Variants in BAHCC1 observed in about 807,000 individuals in gnomAD.
The protein encoded by BAHCC1 is BAH and coiled-coil domain-containing protein 1.
A neutral mutation model predicts 88.2 loss-of-function variants in BAHCC1; 43 were observed. That is an observed-to-expected ratio of 0.49 (90% CI 0.38 to 0.63). The LOEUF (loss-of-function observed/expected upper bound fraction) is 0.63, where lower values mean the gene tolerates loss of function less well. BAHCC1 is among the 20% of genes least tolerant of loss of function. BAHCC1 has a pLI of 0.00. For missense variants in BAHCC1, 3,023 were observed against 1,654.8 expected (o/e 1.83, Z -14.34); for synonymous variants, 1,510 against 745.5 (o/e 2.03, Z -16.71).
chr17:81,412,013 G>A (rs563693828), intron 2 of BAHCC1, among the ~76,000 whole-genome samples: 4 of 152,354 alleles, frequency 2.6e-5, no homozygotes, highest in Non-Finnish European at 2.9e-5. Context: ...CCAGGGCCCC[G>A]TGGCCTCCTG....
intron 6 of BAHCC1, 144 bp downstream of exon 6, chr17:81,444,061 C>G (rs2064475856): frequency 1.6e-6 from 1 of 619,736 alleles, no homozygotes; most frequent in Admixed American, 2.6e-5. Flanking sequence ...CTCCCCACCC[C>G]TAGAGCCTTT....
intron 3 of BAHCC1, among the ~76,000 whole-genome samples, chr17:81,436,607 C>T (rs1197981564): frequency 1.3e-5 from 2 of 151,956 alleles, no homozygotes; most frequent in East Asian, 3.9e-4. Context: ...CCCCAGGTCG[C>T]TCCCACCCCG....
intron 3 of BAHCC1, among the ~76,000 whole-genome samples, chr17:81,427,351 G>A (rs934650898): frequency 5.9e-5 from 9 of 152,162 alleles, no homozygotes; most frequent in Non-Finnish European, 1.2e-4. Context: ...GCTAGGAGGC[G>A]GGCTCCAAAT....
At chr17:81,418,421 C>G (rs958049267) in intron 2 of BAHCC1, among the ~76,000 whole-genome samples, 12 of 152,206 alleles carry the variant, frequency 7.9e-5, no homozygotes, top group African/African-American at 2.9e-4. Flanking sequence ...AGACGCAGCT[C>G]AGAACTGAGC....
At chr17:81,445,910 C>T (rs565096870) in intron 10 of BAHCC1, among the ~76,000 whole-genome samples, 3 of 152,340 alleles carry the variant, frequency 2.0e-5, no homozygotes, top group African/African-American at 7.2e-5. Context: ...CGTGGGCTGA[C>T]GAAGGCGGGA....
At chr17:81,433,884 A>G (rs1204586110) in intron 3 of BAHCC1, among the ~76,000 whole-genome samples, 1 of 152,210 alleles carries the variant, frequency 6.6e-6, no homozygotes, top group Non-Finnish European at 1.5e-5. Context: ...CGTGCACTGC[A>G]CCTGAAACCC....
At chr17:81,431,105 G>T (rs1366319935) in intron 3 of BAHCC1, among the ~76,000 whole-genome samples, 1 of 151,730 alleles carries the variant, frequency 6.6e-6, no homozygotes, top group Admixed American at 6.6e-5. Context: ...GGGTGGAGGG[G>T]CTCTGCTGGG....
At position 81,399,776 on chromosome 17, in the gene BAHCC1, C is replaced by T; in HGVS notation, c.37C>T (p.Leu13=). The T allele has an allele frequency of 2.4e-6, 3 of 1,231,722 alleles. No homozygotes were observed. The highest frequency in any genetic ancestry group is 3.0e-6 in the Non-Finnish European group (3 of 987,458). 76.3% of individuals were successfully genotyped at this position (1,231,722 alleles called of 1,614,324 possible). ...GRDFAPPPHL[L]SERGSLGHRS... Reference sequence around the variant, plus strand: ...CGACTTTGCGCCGCCGCCGCATCTGCTGTCGGAGCGCGGGAGCCTGGGCCA... The same window carrying T: ...CGACTTTGCGCCGCCGCCGCATCTGTTGTCGGAGCGCGGGAGCCTGGGCCA... Residue 13 remains leucine, a synonymous_variant, in exon 2 of 28, where the codon CTG becomes TTG. Coordinates refer to ENST00000675386, the MANE Select transcript of BAHCC1 (RefSeq NM_001377448.1). This position sits in a 1 kb window ranked among gnomAD's most constrained non-coding sequence, Gnocchi z 4.5.
At position 81,442,375 on chromosome 17, in the gene BAHCC1, G is replaced by C; in HGVS notation, c.1026G>C (p.Gln342His). ...TCAGCGAGTGCCTGGAGCGGCGGCA[G>C]ATGCTACACCACACCGCATCCTACG... ...PAFSECLERR[Q>H]MLHHTASYAG... The change falls in exon 5 of 28, where the codon CAG (glutamine) becomes CAC (histidine). Residue 342 changes from glutamine (Q) to histidine (H), a missense_variant. Physicochemically the swap from Gln to His is conservative, Grantham distance 24 (BLOSUM62 0). Coordinates refer to ENST00000675386, the MANE Select transcript of BAHCC1 (RefSeq NM_001377448.1). The C allele has an allele frequency of 1.4e-6, 1 of 702,562 alleles. No homozygotes were observed. The highest frequency in any genetic ancestry group is 2.6e-6 in the Non-Finnish European group (1 of 381,174). The allele number at this position is 702,562 out of a possible 1,614,324, so 43.5% of individuals were successfully genotyped here.
chr17:81,397,748 G>A (rs1172527741), intron 1 of BAHCC1, among the ~76,000 whole-genome samples: 3 of 152,204 alleles, frequency 2.0e-5, no homozygotes, highest in Non-Finnish European at 4.4e-5. Flanking sequence ...CTTGGGAGCC[G>A]AGCTATTTGT....
intron 2 of BAHCC1, among the ~76,000 whole-genome samples, chr17:81,416,999 G>A (rs2064040819): frequency 6.6e-6 from 1 of 152,176 alleles, no homozygotes; most frequent in Admixed American, 6.5e-5. Flanking sequence ...TCCCCTGCAT[G>A]TCCACAGCTA....
At position 81,443,397 on chromosome 17, in the gene BAHCC1, G is replaced by A. The variant is rs782635970; in HGVS notation, c.2048G>A (p.Cys683Tyr). 1.6e-5 allele frequency: 12 copies of A among 772,792 alleles called. No individual in the cohort carries two copies. Among genetic ancestry groups the A allele is most frequent in the Non-Finnish European group, 2.4e-5 (10 of 414,832 alleles). The allele number at this position is 772,792 out of a possible 1,614,324, so 47.9% of individuals were successfully genotyped here. The change falls in exon 5 of 28, where the codon TGT becomes TAT. Residue 683 changes from cysteine (C) to tyrosine (Y), a missense_variant. Coordinates refer to ENST00000675386, the MANE Select transcript of BAHCC1 (RefSeq NM_001377448.1). Reference protein sequence around the residue: ...KGPGQSERPDCARSREHDTTH... With the variant: ...KGPGQSERPDYARSREHDTTH... ...CCAGGCCAGTCGGAGAGGCCGGACTGTGCCCGCAGCAGGGAGCACGACACC... is the reference window on the plus strand; with the variant it reads ...CCAGGCCAGTCGGAGAGGCCGGACTATGCCCGCAGCAGGGAGCACGACACC...
intron 2 of BAHCC1, among the ~76,000 whole-genome samples, chr17:81,405,356 G>A (rs1399345705): frequency 6.6e-6 from 1 of 152,142 alleles, no homozygotes; most frequent in Admixed American, 6.5e-5. Flanking sequence ...GTGAGCCACC[G>A]TGCCCGGCCT....
chr17:81,417,380 C>A (rs111971265), intron 2 of BAHCC1, among the ~76,000 whole-genome samples: 1 of 152,244 alleles, frequency 6.6e-6, no homozygotes. Flanking sequence ...CCTGGCCACC[C>A]GCCTGCCCAG....
At chr17:81,437,735 TCA>T (rs1157483689) in intron 3 of BAHCC1, among the ~76,000 whole-genome samples, 3 of 151,716 alleles carry the variant, frequency 2.0e-5, no homozygotes, top group African/African-American at 7.3e-5. Context: ...TGACTCGGAG[TCA>T]CCGCCTGGGG....
In BAHCC1 at chr17:81,442,873, C is replaced by T; in HGVS notation, c.1524C>T (p.His508=). Residue 508 remains histidine (H), a synonymous_variant, in exon 5 of 28, where the codon CAC becomes CAT. Transcript: ENST00000675386. The stretch of plus-strand genomic sequence containing the variant: ...CACAGGACTGTGCCCGGCCTGGTCA[C>T]CAGGACCCGCTGGGCGGGAAGGCCC... ...TSSQDCARPG[H]QDPLGGKAPQ... is the part of the protein sequence containing the mutation. 1.3e-6 allele frequency: 1 copy of T among 779,388 alleles called. No individual in the cohort carries two copies. Among genetic ancestry groups the T allele is most frequent in the Non-Finnish European group, 2.4e-6 (1 of 417,882 alleles). The allele number at this position is 779,388 out of a possible 1,614,324, so 48.3% of individuals were successfully genotyped here.
Position 81,463,763 on chromosome 17 carries a change from C to T in BAHCC1, c.7773C>T (p.Tyr2591=), listed in dbSNP as rs372520402. Residue 2591 remains tyrosine, a synonymous_variant, in exon 28 of 28, where the codon TAC becomes TAT. Coordinates refer to ENST00000675386, the MANE Select transcript of BAHCC1 (RefSeq NM_001377448.1). The part of the protein sequence containing the change: ...RQDLYYLAGT[Y]DPTTGRLVTA... ...ACCTCTACTACCTGGCGGGCACCTACGACCCCACCACCGGGCGCCTGGTGA... is the reference window on the plus strand; with the variant it reads ...ACCTCTACTACCTGGCGGGCACCTATGACCCCACCACCGGGCGCCTGGTGA... 76 of 773,146 alleles carry T rather than the reference C, an allele frequency of 9.8e-5. No homozygotes were observed. Among genetic ancestry groups the T allele is most frequent in the Admixed American group, 4.3e-4 (25 of 58,528 alleles). 47.9% of individuals were successfully genotyped at this position (773,146 alleles called of 1,614,324 possible).
intron 22 of BAHCC1, 51 bp from the exon 23 acceptor site, chr17:81,459,445 G>C (rs1166168500): frequency 2.6e-6 from 2 of 773,836 alleles, no homozygotes; most frequent in Non-Finnish European, 4.8e-6. Context: ...CTCTCAGGCA[G>C]CCCTGGGCCA....
chr17:81,395,541 T>G lies in BAHCC1; in HGVS notation c.-301T>G, dbSNP rs1555644767. On this transcript the variant is annotated 5_prime_UTR_variant, in exon 1 of 28. Coordinates refer to ENST00000675386, the MANE Select transcript of BAHCC1 (RefSeq NM_001377448.1). ...AAGCGGTGCATTTACAGTGCAACAG[T>G]CAGCACATTGAAAATACCAATAGGA... is the stretch of plus-strand genomic sequence containing the variant. 1 of 152,230 alleles carries G rather than the reference T, an allele frequency of 6.6e-6. No individual in the cohort carries two copies. The allele number at this position is 152,230 out of a possible 1,614,324, so 9.4% of individuals were successfully genotyped here.
Sources: allele counts gnomAD v4.1 joint callset (sites outside exome capture counted in the v4.1 genomes callset), GRCh38; gene constraint gnomAD v4.1.1; non-coding constraint Gnocchi (gnomAD v3.1); transcripts MANE v1.5; gene names NCBI Gene and HGNC (gene_info 2026-07-23, HGNC 2026-07-21).